The following KHDRBS2 variants were observed in gnomAD, a reference collection of about 807,000 sequenced individuals.
The protein encoded by KHDRBS2 is KH domain-containing, RNA-binding, signal transduction-associated protein 2.
A neutral mutation model predicts 44.3 loss-of-function variants in KHDRBS2; 26 were observed. That is an observed-to-expected ratio of 0.59 (90% CI 0.43 to 0.81). The LOEUF is 0.81. Ranked by LOEUF, KHDRBS2 falls within the 40% of genes least tolerant of loss-of-function variation. The pLI, the probability that KHDRBS2 is intolerant of heterozygous loss-of-function variation, is 0.00. For synonymous variants in KHDRBS2, 194 were observed against 151.1 expected (o/e 1.28, Z -2.08); for missense variants, 476 against 433.1 (o/e 1.10, Z -0.88).
At chr6:61,762,424 G>A (rs1247265364) in intron 6 of KHDRBS2, among the ~76,000 whole-genome samples, 3 of 152,166 alleles carry the variant, frequency 2.0e-5, no homozygotes, top group Admixed American at 2.0e-4. Flanking sequence ...CTAATGGGAG[G>A]TGTTTGAGTC....
At chr6:62,050,733 C>T (rs1199866863) in intron 2 of KHDRBS2, among the ~76,000 whole-genome samples, 1 of 151,820 alleles carries the variant, frequency 6.6e-6, no homozygotes, top group African/African-American at 2.4e-5. Context: ...TTAAGACTGG[C>T]AGTTATTTAT....
At chr6:61,558,508 G>A in the KHDRBS2 span, among the ~76,000 whole-genome samples, 1 of 152,154 alleles carries the variant, frequency 6.6e-6, no homozygotes, top group Non-Finnish European at 1.5e-5. Context: ...GCTGCAGTGA[G>A]CCACGATTAT....
At chr6:61,610,634 C>T in the KHDRBS2 span, among the ~76,000 whole-genome samples, 1 of 152,162 alleles carries the variant, frequency 6.6e-6, no homozygotes, top group African/African-American at 2.4e-5. Flanking sequence ...CTCAAGTATT[C>T]TCATGACACA....
chr6:62,067,908 A>G (rs866563556), intron 2 of KHDRBS2, among the ~76,000 whole-genome samples: 2 of 151,586 alleles, frequency 1.3e-5, no homozygotes, highest in South Asian at 2.1e-4. Flanking sequence ...ATTTATTGCT[A>G]AAAATATTCA....
intron 3 of KHDRBS2, among the ~76,000 whole-genome samples, chr6:62,008,017 A>G (rs563621652): frequency 6.6e-6 from 1 of 152,208 alleles, no homozygotes; most frequent in Non-Finnish European, 1.5e-5. Context: ...TCATATGTTA[A>G]AAAATGCCAA....
the KHDRBS2 span, among the ~76,000 whole-genome samples, chr6:61,568,788 A>C: frequency 6.6e-6 from 1 of 152,330 alleles, no homozygotes; most frequent in South Asian, 2.1e-4. Flanking sequence ...CAGGGAAGCC[A>C]TCCCTGACTA....
the KHDRBS2 span, among the ~76,000 whole-genome samples, chr6:61,671,876 TA>T: frequency 1.3e-5 from 2 of 151,908 alleles, no homozygotes; most frequent in South Asian, 4.1e-4. Context: ...CCTTAAGTTT[TA>T]GGGTACATGT....
chr6:61,828,538 T>C (rs181399982), intron 6 of KHDRBS2, among the ~76,000 whole-genome samples: 64 of 152,328 alleles, frequency 4.2e-4, no homozygotes, highest in Admixed American at 2.3e-3. Context: ...CATCAAGAGT[T>C]TATCATAACC....
chr6:61,624,280 T>C, the KHDRBS2 span, among the ~76,000 whole-genome samples: 9 of 152,212 alleles, frequency 5.9e-5, no homozygotes, highest in Non-Finnish European at 7.3e-5. Context: ...GTGGCCTAGA[T>C]GTGGCTATAC....
intron 4 of KHDRBS2, among the ~76,000 whole-genome samples, chr6:61,957,456 C>T (rs751369000): frequency 6.6e-6 from 1 of 152,088 alleles, no homozygotes; most frequent in Non-Finnish European, 1.5e-5. Context: ...CAAGGAACAA[C>T]CCTGAGAAAG....
At chr6:61,665,573 G>A in the KHDRBS2 span, among the ~76,000 whole-genome samples, 1 of 150,916 alleles carries the variant, frequency 6.6e-6, no homozygotes, top group African/African-American at 2.4e-5. Flanking sequence ...TTAGAAGGTT[G>A]GTAAGTATAT....
chr6:61,573,097 A>T, the KHDRBS2 span, among the ~76,000 whole-genome samples: 2 of 152,198 alleles, frequency 1.3e-5, no homozygotes, highest in Admixed American at 6.5e-5. Context: ...AAGCTCCTAG[A>T]TCTGATAAAT....
intron 2 of KHDRBS2, among the ~76,000 whole-genome samples, chr6:62,090,818 A>C (rs1221385913): frequency 6.6e-6 from 1 of 152,194 alleles, no homozygotes; most frequent in Non-Finnish European, 1.5e-5. Context: ...TTTGTTTCAA[A>C]GTCTCCTAAA....
the KHDRBS2 span, among the ~76,000 whole-genome samples, chr6:61,548,290 C>CTA: frequency 6.6e-6 from 1 of 151,922 alleles, no homozygotes; most frequent in African/African-American, 2.4e-5. Flanking sequence ...TTTATGAGGG[C>CTA]TATATATATA....
chr6:62,079,648 A>G (rs576205858), intron 2 of KHDRBS2, among the ~76,000 whole-genome samples: 208 of 152,056 alleles, frequency 1.4e-3, no homozygotes, highest in Non-Finnish European at 2.4e-3. Context: ...TTTGTTTCGA[A>G]TTACTTAATC....
At chr6:62,034,693 G>GAAA (rs1171214560) in intron 3 of KHDRBS2, among the ~76,000 whole-genome samples, 708 of 60,726 alleles carry the variant, frequency 0.012, 13 homozygotes, top group East Asian at 0.035. Context: ...ATTCTGAACA[G>GAAA]AAAAAAAAAA....
intron 6 of KHDRBS2, among the ~76,000 whole-genome samples, chr6:61,770,244 A>C (rs1195202057): frequency 6.6e-6 from 1 of 152,188 alleles, no homozygotes; most frequent in Admixed American, 6.5e-5. Context: ...AAAAAAACAG[A>C]GCAGAAAAAC....
chr6:61,864,946 T>C (rs1309430729), intron 6 of KHDRBS2, among the ~76,000 whole-genome samples: 1 of 152,176 alleles, frequency 6.6e-6, no homozygotes, highest in Non-Finnish European at 1.5e-5. Flanking sequence ...TATAATCCCT[T>C]ATTTCTAAGA....
intron 1 of KHDRBS2, among the ~76,000 whole-genome samples, chr6:62,190,216 GAGA>G (rs1465520040): frequency 6.6e-6 from 1 of 152,114 alleles, no homozygotes; most frequent in African/African-American, 2.4e-5. Context: ...TCATCCTACT[GAGA>G]AGTATAGTTA....
Sources: gnomAD v4.1 joint callset for allele counts (sites outside exome capture counted in the v4.1 genomes callset) on GRCh38, gnomAD v4.1.1 for gene constraint, MANE v1.5 for transcripts, NCBI Gene and HGNC (gene_info 2026-07-23, HGNC 2026-07-21) for gene names.